The following GIMAP1 variants were observed in gnomAD, a reference collection of about 807,000 sequenced individuals.
GIMAP1 encodes the protein GTPase, IMAP family member 1, also known as GTPase IMAP family member 1.
For missense variants in GIMAP1, 423 were observed against 411.9 expected (o/e 1.03, Z -0.23); for synonymous variants, 230 against 187.7 (o/e 1.23, Z -1.84).
At chr7:150,717,178 A>G (rs906876537) in intron 1 of GIMAP1, among the ~76,000 whole-genome samples, 4 of 152,096 alleles carry the variant, frequency 2.6e-5, no homozygotes, top group Admixed American at 6.5e-5. Flanking sequence ...TGAGATTAAT[A>G]TCTTGGTCTT....
At position 150,720,243 on chromosome 7, in the gene GIMAP1, T is replaced by A; in HGVS notation, c.239T>A (p.Val80Asp). 1 of 1,614,070 alleles carries A rather than the reference T, an allele frequency of 6.2e-7. No homozygotes were observed. The highest frequency in any genetic ancestry group is 1.1e-5 in the South Asian group (1 of 91,082). Residue 80 changes from valine (V) to aspartate (D), a missense_variant, in exon 3 of 3, where the codon GTC becomes GAC. Physicochemically the swap from Val to Asp is radical, Grantham distance 152. Transcript: ENST00000307194. This position sits in a 1 kb window ranked among gnomAD's most constrained non-coding sequence, Gnocchi z 4.5. ...AGGTGGGACAAGTGCCACGTGGAAG[T>A]CGTGGACACTCCGGACATTTTCAGC... Reference protein sequence around the residue: ...SRRWDKCHVEVVDTPDIFSSQ... With the variant: ...SRRWDKCHVEDVDTPDIFSSQ...
chr7:150,718,080 G>T (rs1361445842), intron 1 of GIMAP1, among the ~76,000 whole-genome samples: 3 of 152,282 alleles, frequency 2.0e-5, no homozygotes, highest in South Asian at 2.1e-4. Context: ...GTCCTAGGAG[G>T]GGAAGCCGAG....
Position 150,720,270 on chromosome 7 carries a change from C to G in GIMAP1, c.266C>G (p.Ser89Cys). The G allele has an allele frequency of 6.2e-7, 1 of 1,614,206 alleles. No homozygotes were observed. Among genetic ancestry groups the G allele is most frequent in the South Asian group, 1.1e-5 (1 of 91,078 alleles). Residue 89 changes from serine (S) to cysteine (C), a missense_variant, in exon 3 of 3, where the codon TCC (serine) becomes TGC (cysteine). Transcript: ENST00000307194. This position sits in a 1 kb window ranked among gnomAD's most constrained non-coding sequence, Gnocchi z 4.5. ...EVVDTPDIFS[S>C]QVSKTDPGCE... Reference sequence around the variant, plus strand: ...GTGGACACTCCGGACATTTTCAGCTCCCAAGTGTCCAAGACAGATCCTGGC... The same window carrying G: ...GTGGACACTCCGGACATTTTCAGCTGCCAAGTGTCCAAGACAGATCCTGGC...
At position 150,723,834 on chromosome 7, in the gene GIMAP1, C is replaced by T. The variant is rs562614473; in HGVS notation, c.*2909C>T. 1 of 152,228 alleles carries T rather than the reference C, an allele frequency of 6.6e-6. No individual in the cohort carries two copies. The highest frequency in any genetic ancestry group is 1.5e-5 in the Non-Finnish European group (1 of 68,028). 9.4% of individuals were successfully genotyped at this position (152,228 alleles called of 1,614,324 possible). On this transcript the variant is annotated 3_prime_UTR_variant, in exon 3 of 3. Coordinates refer to ENST00000307194, the MANE Select transcript of GIMAP1 (RefSeq NM_130759.4). The stretch of plus-strand genomic sequence containing the variant: ...CCCTTCCTCTCCTCTCCTTTTATCT[C>T]TTGGAAGATAAAAATGTATGGGTCC...
rs1283667170 is a variant in GIMAP1 at position 150,720,550 on chromosome 7, G to A, written c.546G>A (p.Gly182=). 2.5e-6 allele frequency: 4 copies of A among 1,612,204 alleles called. No homozygotes were observed. The highest frequency in any genetic ancestry group is 1.7e-5 in the Admixed American group (1 of 59,748). Residue 182 remains glycine, a synonymous_variant, in exon 3 of 3, where the codon GGG becomes GGA. Transcript: ENST00000307194. The surrounding 1 kb of genome is among the most constrained non-coding windows in gnomAD (Gnocchi z 4.5). ...RALRELVAEC[G]GRVCAFDNRA... Reference sequence around the variant, plus strand: ...TGCGCGAGCTGGTGGCCGAGTGCGGGGGCCGGGTCTGTGCCTTTGATAACC... The same window carrying A: ...TGCGCGAGCTGGTGGCCGAGTGCGGAGGCCGGGTCTGTGCCTTTGATAACC...
chr7:150,720,523 C>T lies in GIMAP1; in HGVS notation c.519C>T (p.Ala173=). ...HDYVSNTENR[A]LRELVAECGG... is the part of the protein sequence containing the mutation. ...ACGTGAGCAACACAGAGAACCGGGC[C>T]TTGCGCGAGCTGGTGGCCGAGTGCG... Residue 173 remains alanine, a synonymous_variant, in exon 3 of 3, where the codon GCC becomes GCT. Coordinates refer to ENST00000307194, the MANE Select transcript of GIMAP1 (RefSeq NM_130759.4). This position sits in a 1 kb window ranked among gnomAD's most constrained non-coding sequence, Gnocchi z 4.5. The T allele has an allele frequency of 6.2e-7, 1 of 1,604,446 alleles. No homozygotes were observed. The highest frequency in any genetic ancestry group is 8.5e-7 in the Non-Finnish European group (1 of 1,175,508).
At chr7:150,719,361 T>C (rs1376987248) in intron 2 of GIMAP1, 4 of 456,556 alleles carry the variant, frequency 8.8e-6, no homozygotes, top group Admixed American at 3.6e-5. Flanking sequence ...GCAGAGGGGA[T>C]TAAATCATGC....
At chr7:150,717,352 C>T (rs1487334433) in intron 1 of GIMAP1, among the ~76,000 whole-genome samples, 2 of 152,140 alleles carry the variant, frequency 1.3e-5, no homozygotes, top group Non-Finnish European at 2.9e-5. Flanking sequence ...ACATTTAATT[C>T]ATGAATCAGA....
intron 1 of GIMAP1, among the ~76,000 whole-genome samples, chr7:150,718,661 T>G (rs1362999440): frequency 6.6e-6 from 1 of 152,204 alleles, no homozygotes; most frequent in Non-Finnish European, 1.5e-5. Flanking sequence ...GACCCTCTGC[T>G]TTTTGCTTTT....
intron 2 of GIMAP1, 66 bp downstream of exon 2, chr7:150,719,156 T>A: frequency 2.5e-6 from 4 of 1,603,998 alleles, no homozygotes; most frequent in Non-Finnish European, 3.4e-6. Context: ...ATAAGGAGAA[T>A]GGGGCTTCCT....
intron 1 of GIMAP1, among the ~76,000 whole-genome samples, chr7:150,717,089 T>C (rs1797227649): frequency 6.6e-6 from 1 of 151,946 alleles, no homozygotes; most frequent in Non-Finnish European, 1.5e-5. Context: ...AACCTCGGAG[T>C]GAGTTACGAC....
chr7:150,718,436 C>G (rs1219751762), intron 1 of GIMAP1, among the ~76,000 whole-genome samples: 1 of 152,150 alleles, frequency 6.6e-6, no homozygotes. Flanking sequence ...TGTTCAATTT[C>G]CAAAAGAAAA....
At chr7:150,717,150 G>A (rs6464093) in intron 1 of GIMAP1, among the ~76,000 whole-genome samples, 49,491 of 151,954 alleles carry the variant, frequency 0.33, 8,228 homozygotes, top group East Asian at 0.49. Flanking sequence ...CCACAGAAGG[G>A]GCCCCTGAGG....
Position 150,721,716 on chromosome 7 carries a change from C to A in GIMAP1, c.*791C>A, listed in dbSNP as rs554721977. 6.6e-6 allele frequency: 1 copy of A among 150,836 alleles called. No homozygotes were observed. The highest frequency in any genetic ancestry group is 1.9e-4 in the East Asian group (1 of 5,136). 9.3% of individuals were successfully genotyped at this position (150,836 alleles called of 1,614,324 possible). A position where few individuals can be genotyped will look rare whatever the true frequency, so the allele number is the denominator to read the frequency against. ...ATCCCAGCCATTCAGGAGGCTGAGG[C>A]GGGAGAATCACTTGATGCAGTGAGC... On this transcript the variant is annotated 3_prime_UTR_variant, in exon 3 of 3. Transcript: ENST00000307194.
chr7:150,717,712 C>G (rs1372926749), intron 1 of GIMAP1, among the ~76,000 whole-genome samples: 1 of 152,192 alleles, frequency 6.6e-6, no homozygotes, highest in Non-Finnish European at 1.5e-5. Flanking sequence ...ATTCTTTTCT[C>G]TGAATCTTGC....
At chr7:150,717,239 C>T (rs563900233) in intron 1 of GIMAP1, among the ~76,000 whole-genome samples, 2 of 152,158 alleles carry the variant, frequency 1.3e-5, no homozygotes, top group Non-Finnish European at 1.5e-5. Flanking sequence ...TTAATTCAAG[C>T]TTCTCCTGCT....
At position 150,720,144 on chromosome 7, in the gene GIMAP1, T is replaced by C. The variant is rs1338244116; in HGVS notation, c.140T>C (p.Ile47Thr). ...GGGAAGAGCGCCACTGGGAACAGCA[T>C]CCTGGGCCAGAGACGGTTCTTCTCC... Reference protein sequence around the residue: ...GAGKSATGNSILGQRRFFSRL... With the variant: ...GAGKSATGNSTLGQRRFFSRL... The change falls in exon 3 of 3, where the codon ATC becomes ACC. Residue 47 changes from isoleucine (I) to threonine (T), a missense_variant. Ile to Thr is a moderately conservative substitution (Grantham distance 89, BLOSUM62 -1). Coordinates refer to ENST00000307194, the MANE Select transcript of GIMAP1 (RefSeq NM_130759.4). The surrounding 1 kb of genome is among the most constrained non-coding windows in gnomAD (Gnocchi z 4.5). 2 of 1,614,048 alleles carry C rather than the reference T, an allele frequency of 1.2e-6. No homozygotes were observed. The highest frequency in any genetic ancestry group is 8.5e-7 in the Non-Finnish European group (1 of 1,180,022).
chr7:150,720,572 A>T lies in GIMAP1; in HGVS notation c.568A>T (p.Asn190Tyr), dbSNP rs1797284249. ...ECGGRVCAFD[N>Y]RATGREQEAQ... ...CGGGGGCCGGGTCTGTGCCTTTGAT[A>T]ACCGGGCCACCGGCCGGGAGCAGGA... is the stretch of plus-strand genomic sequence containing the variant. The change falls in exon 3 of 3, where the codon AAC (asparagine) becomes TAC (tyrosine). Residue 190 changes from asparagine (N) to tyrosine (Y), a missense_variant. By Grantham distance (143) the Asn-to-Tyr change is moderately radical. Transcript: ENST00000307194. The surrounding 1 kb of genome is among the most constrained non-coding windows in gnomAD (Gnocchi z 4.5). 6.2e-7 allele frequency: 1 copy of T among 1,613,722 alleles called. No individual in the cohort carries two copies. Among genetic ancestry groups the T allele is most frequent in the Non-Finnish European group, 8.5e-7 (1 of 1,179,836 alleles).
chr7:150,720,833 G>C lies in GIMAP1; in HGVS notation c.829G>C (p.Gly277Arg), dbSNP rs1346519708. 6.2e-7 allele frequency: 1 copy of C among 1,604,468 alleles called. No homozygotes were observed. Among genetic ancestry groups the C allele is most frequent in the Non-Finnish European group, 8.5e-7 (1 of 1,177,438 alleles). ...WLKSPRSWRL[G>R]LALLLGGALL... ...GAAGTCCCCCAGGAGCTGGAGGCTG[G>C]GCCTGGCCCTGCTGCTGGGGGGCGC... Residue 277 changes from glycine to arginine, a missense_variant, in exon 3 of 3, where the codon GGC (glycine) becomes CGC (arginine). By Grantham distance (125) the Gly-to-Arg change is moderately radical (BLOSUM62 -2). Transcript: ENST00000307194. This position sits in a 1 kb window ranked among gnomAD's most constrained non-coding sequence, Gnocchi z 4.5.
Sources: gnomAD v4.1 joint callset for allele counts (sites outside exome capture counted in the v4.1 genomes callset) on GRCh38, gnomAD v4.1.1 for gene constraint, Gnocchi (gnomAD v3.1) non-coding constraint, MANE v1.5 for transcripts, NCBI Gene and HGNC (gene_info 2026-07-23, HGNC 2026-07-21) for gene names.